P3H3: variants seen among roughly 807,000 people sequenced by gnomAD.
P3H3 encodes the protein prolyl 3-hydroxylase 3.
Under a neutral mutation model 78.1 loss-of-function variants are expected in P3H3, and 64 were observed. The ratio of observed to expected loss-of-function variants is 0.82; its 90% CI spans 0.67 to 1.01. The LOEUF is 1.01. Among genes scored for constraint, P3H3 ranks in the 50% least tolerant of loss-of-function variants. The pLI is 0.00. For synonymous variants in P3H3, 425 were observed against 416.7 expected (o/e 1.02, Z -0.24); for missense variants, 975 against 982.2 (o/e 0.99, Z 0.10).
Position 6,831,007 on chromosome 12 carries a change from T to A in P3H3, c.986-209T>A. ...CACCTTCCTTTATTTTCCCCCCTCT[T>A]GCTCTTCTTTGAACTCTCCAGCTAA... On this transcript the variant is annotated intron_variant, in intron 4 of 14. Coordinates refer to ENST00000290510, the MANE Select transcript of P3H3 (RefSeq NM_014262.5). The surrounding 1 kb of genome is among the most constrained non-coding windows in gnomAD (Gnocchi z 4.6). The A allele has an allele frequency of 1.2e-6, 1 of 829,816 alleles. No homozygotes were observed. The highest frequency in any genetic ancestry group is 2.0e-6 in the Non-Finnish European group (1 of 495,108). The allele number at this position is 829,816 out of a possible 1,614,324, so 51.4% of individuals were successfully genotyped here.
chr12:6,828,470 A>ACTG lies in P3H3; in HGVS notation c.41_43dup (p.Leu14dup), dbSNP rs782716613. The ACTG allele has an allele frequency of 2.4e-6, 3 of 1,231,196 alleles. No individual in the cohort carries two copies. Among genetic ancestry groups the ACTG allele is most frequent in the East Asian group, 3.1e-5 (1 of 32,098 alleles). 76.3% of individuals were successfully genotyped at this position (1,231,196 alleles called of 1,614,324 possible). A position where few individuals can be genotyped will look rare whatever the true frequency, so the allele number is the denominator to read the frequency against. On this transcript the variant is annotated inframe_insertion, in exon 1 of 15. Transcript: ENST00000290510. ...TCCGGCTCCTCCGGCCGCTGCTGCT[A>ACTG]CTGCTGCTGCTGCCTCCCCCGGGGT...
rs1565510931 is a variant in P3H3, at chr12:6,829,418, A to C, written c.499-441A>C. 4.1e-6 allele frequency: 1 copy of C among 241,168 alleles called. No homozygotes were observed. The highest frequency in any genetic ancestry group is 5.6e-5 in the Admixed American group (1 of 17,956). 14.9% of individuals were successfully genotyped at this position (241,168 alleles called of 1,614,324 possible). On this transcript the variant is annotated intron_variant, in intron 1 of 14. Coordinates refer to ENST00000290510, the MANE Select transcript of P3H3 (RefSeq NM_014262.5). This position sits in a 1 kb window ranked among gnomAD's most constrained non-coding sequence, Gnocchi z 5.1. Reference sequence around the variant, plus strand: ...CCTCTGCGGGCGGGGAGGGGACAGCACGCCGCAGCCGCCGGTACCGCAGCA... The same window carrying C: ...CCTCTGCGGGCGGGGAGGGGACAGCCCGCCGCAGCCGCCGGTACCGCAGCA...
In P3H3 at chr12:6,838,417, A is replaced by C. The variant is rs190595883; in HGVS notation, c.1905+384A>C. On this transcript the variant is annotated intron_variant, in intron 13 of 14. Coordinates refer to ENST00000290510, the MANE Select transcript of P3H3 (RefSeq NM_014262.5). ...GGGGCTCGGATTCTGAACCTTTCTGAGGTTTAGTTTCCTAGACTGGGGTGA... is the reference window on the plus strand; with the variant it reads ...GGGGCTCGGATTCTGAACCTTTCTGCGGTTTAGTTTCCTAGACTGGGGTGA... Among the ~76,000 whole-genome samples, 17 of 152,194 alleles carry C rather than the reference A, an allele frequency of 1.1e-4. 1 individual carries two copies. In the East Asian group the frequency reaches 2.7e-3, roughly 24 times the overall value.
In P3H3 at chr12:6,831,760, C is replaced by A; in HGVS notation, c.1123-65C>A. On this transcript the variant is annotated intron_variant, in intron 5 of 14. Transcript: ENST00000290510. This position sits in a 1 kb window ranked among gnomAD's most constrained non-coding sequence, Gnocchi z 4.6. ...AGGAGCATGGAGCACCCAGGCAGTGCCCTAGAGCCGGCGCTTCCCTGCCTT... is the reference window on the plus strand; with the variant it reads ...AGGAGCATGGAGCACCCAGGCAGTGACCTAGAGCCGGCGCTTCCCTGCCTT... 2.0e-6 allele frequency: 2 copies of A among 1,003,930 alleles called. No individual in the cohort carries two copies. Among genetic ancestry groups the A allele is most frequent in the Non-Finnish European group, 3.1e-6 (2 of 645,892 alleles). 62.2% of individuals were successfully genotyped at this position (1,003,930 alleles called of 1,614,324 possible).
Position 6,839,082 on chromosome 12 carries a change from G to C in P3H3, c.1988G>C (p.Arg663Pro). The C allele has an allele frequency of 1.9e-6, 3 of 1,611,262 alleles. No individual in the cohort carries two copies. The highest frequency in any genetic ancestry group is 1.7e-6 in the Non-Finnish European group (2 of 1,179,468). ...CCCCATGGGGTGTGGGCCGTGACTC[G>C]GGGACGGCGCTGTGCCCTGGCACTG... ...ENPHGVWAVT[R>P]GRRCALALWH... The change falls in exon 14 of 15, where the codon CGG becomes CCG. Residue 663 changes from arginine (R) to proline (P), a missense_variant. Physicochemically the swap from Arg to Pro is moderately radical, Grantham distance 103 (BLOSUM62 -2). Transcript: ENST00000290510.
intron 4 of P3H3, 23 bp downstream of exon 4, chr12:6,830,793 C>G: frequency 6.2e-7 from 1 of 1,613,264 alleles, no homozygotes; most frequent in Non-Finnish European, 8.5e-7. Flanking sequence ...AGGGTGGAAA[C>G]GGGGAGTGAA....
At chr12:6,834,408 T>C (rs894534357) in intron 9 of P3H3, among the ~76,000 whole-genome samples, 35 of 152,126 alleles carry the variant, frequency 2.3e-4, no homozygotes, top group African/African-American at 8.5e-4. Flanking sequence ...CTAGTTTAGG[T>C]TGAATGACTC....
rs1555121269 is a variant in P3H3, at chr12:6,830,733, C to T, written c.948C>T (p.Pro316=). 1 of 1,613,854 alleles carries T rather than the reference C, an allele frequency of 6.2e-7. No individual in the cohort carries two copies. The highest frequency in any genetic ancestry group is 1.3e-5 in the African/African-American group (1 of 74,924). Residue 316 remains proline (P), a synonymous_variant, in exon 4 of 15, where the codon CCC becomes CCT. Coordinates refer to ENST00000290510, the MANE Select transcript of P3H3 (RefSeq NM_014262.5). ...GRSFPVPDFL[P]NQLRRLHEAH... ...GCTTCCCTGTCCCAGACTTCCTTCC[C>T]AACCAGCTGAGGCGGCTACATGAGG...
intron 10 of P3H3, 57 bp downstream of exon 10, chr12:6,837,143 G>T (rs1943506763): frequency 1.4e-6 from 2 of 1,462,798 alleles, no homozygotes; most frequent in South Asian, 1.2e-5. Flanking sequence ...GAGAGGCTGT[G>T]CAGGAAGCCG....
chr12:6,837,085 A>C lies in P3H3; in HGVS notation c.1559A>C (p.Gln520Pro), dbSNP rs782326466. Residue 520 changes from glutamine to proline, a missense_variant and splice_region_variant, in exon 10 of 15, where the codon CAG becomes CCG. By Grantham distance (76) the Gln-to-Pro change is moderately conservative. Coordinates refer to ENST00000290510, the MANE Select transcript of P3H3 (RefSeq NM_014262.5). ...GGGCTCACGGTGCTTAAGGCTGCGC[A>C]GGTGAGCACAGGAGGCACCCGGGCC... ...FEGLTVLKAA[Q>P]LARAGTVGSQ... The C allele has an allele frequency of 2.1e-5, 33 of 1,600,506 alleles. No individual in the cohort carries two copies. The highest frequency in any genetic ancestry group is 3.3e-4 in the Middle Eastern group (2 of 6,052).
Position 6,830,355 on chromosome 12 carries a change from A to C in P3H3, c.654A>C (p.Ala218=). 6.3e-7 allele frequency: 1 copy of C among 1,577,156 alleles called. No individual in the cohort carries two copies. The highest frequency in any genetic ancestry group is 8.6e-7 in the Non-Finnish European group (1 of 1,162,716). Residue 218 remains alanine, a splice_region_variant and synonymous_variant, in exon 3 of 15, where the codon GCA becomes GCC. Transcript: ENST00000290510. ...CTGACTGCTCCCTTCCCCAACAGGC[A>C]GCCTATGACACTGGCCTGGAGCTAC... ...FRDLETPPHW[A]AYDTGLELLG... is the part of the protein sequence containing the mutation.
chr12:6,835,364 C>G (rs1161239998), intron 9 of P3H3, among the ~76,000 whole-genome samples: 1 of 152,108 alleles, frequency 6.6e-6, no homozygotes, highest in African/African-American at 2.4e-5. Context: ...AGGTGGATCA[C>G]TTGAGGTCAG....
rs1270489669 is a variant in P3H3, at chr12:6,828,470, A to G, written c.30A>G (p.Leu10=). MLRLLRPLL[L]LLLLPPPGSP... Reference sequence around the variant, plus strand: ...TCCGGCTCCTCCGGCCGCTGCTGCTACTGCTGCTGCTGCCTCCCCCGGGGT... The same window carrying G: ...TCCGGCTCCTCCGGCCGCTGCTGCTGCTGCTGCTGCTGCCTCCCCCGGGGT... The change falls in exon 1 of 15, where the codon CTA becomes CTG. Residue 10 remains leucine (L), a synonymous_variant. Coordinates refer to ENST00000290510, the MANE Select transcript of P3H3 (RefSeq NM_014262.5). 1.1e-5 allele frequency: 14 copies of G among 1,231,208 alleles called. No homozygotes were observed. The highest frequency in any genetic ancestry group is 1.6e-5 in the African/African-American group (1 of 62,470). The allele number at this position is 1,231,208 out of a possible 1,614,324, so 76.3% of individuals were successfully genotyped here. A position where few individuals can be genotyped will look rare whatever the true frequency, so the allele number is the denominator to read the frequency against.
chr12:6,836,916 G>A (rs1555122194), intron 9 of P3H3, 69 bp from the exon 10 acceptor site: 16 of 1,147,972 alleles, frequency 1.4e-5, no homozygotes. Flanking sequence ...GCCGGAGGGA[G>A]GGTCTTGCAG....
chr12:6,830,388 C>G lies in P3H3; in HGVS notation c.687C>G (p.Arg229=). 2.5e-6 allele frequency: 4 copies of G among 1,588,268 alleles called. No homozygotes were observed. The highest frequency in any genetic ancestry group is 3.4e-6 in the Non-Finnish European group (4 of 1,168,622). The change falls in exon 3 of 15, where the codon CGC becomes CGG. Residue 229 remains arginine, a synonymous_variant. Coordinates refer to ENST00000290510, the MANE Select transcript of P3H3 (RefSeq NM_014262.5). ...AYDTGLELLG[R]QEAGLALPRL... ...ACACTGGCCTGGAGCTACTGGGGCG[C>G]CAGGAGGCAGGACTGGCACTGCCCA...
chr12:6,837,583 G>T lies in P3H3; in HGVS notation c.1711+10G>T. Reference sequence around the variant, plus strand: ...CGCAGCGCCATAGAAGGTACGACAGGGACCCCCCACTGCTCTTCTCCAACC... The same window carrying T: ...CGCAGCGCCATAGAAGGTACGACAGTGACCCCCCACTGCTCTTCTCCAACC... On this transcript the variant is annotated intron_variant, in intron 11 of 14. Coordinates refer to ENST00000290510, the MANE Select transcript of P3H3 (RefSeq NM_014262.5). 4 of 1,610,794 alleles carry T rather than the reference G, an allele frequency of 2.5e-6. No individual in the cohort carries two copies. Among genetic ancestry groups the T allele is most frequent in the Non-Finnish European group, 3.4e-6 (4 of 1,178,702 alleles).
At chr12:6,838,333 C>G (rs536110977) in intron 13 of P3H3, among the ~76,000 whole-genome samples, 2 of 152,172 alleles carry the variant, frequency 1.3e-5, no homozygotes, top group African/African-American at 4.8e-5. Context: ...AATAGTCCTT[C>G]CTCTTTGCAG....
At position 6,828,944 on chromosome 12, in the gene P3H3, G is replaced by T. The variant is rs901229652; in HGVS notation, c.498+6G>T. ...TGCAGAGGGCCTATTACCAGGTGGG[G>T]AGCGGGCCGGGCAGCTCCGAGGGTC... On this transcript the variant is annotated splice_donor_region_variant and intron_variant, in intron 1 of 14. Transcript: ENST00000290510. 1.6e-5 allele frequency: 20 copies of T among 1,232,712 alleles called. No individual in the cohort carries two copies. Among genetic ancestry groups the T allele is most frequent in the Middle Eastern group, 2.8e-4 (1 of 3,614 alleles). 76.4% of individuals were successfully genotyped at this position (1,232,712 alleles called of 1,614,324 possible). A position where few individuals can be genotyped will look rare whatever the true frequency, so the allele number is the denominator to read the frequency against.
Position 6,833,620 on chromosome 12 carries a change from C to T in P3H3, c.1241C>T (p.Pro414Leu). 1.9e-6 allele frequency: 3 copies of T among 1,613,950 alleles called. No individual in the cohort carries two copies. Among genetic ancestry groups the T allele is most frequent in the Non-Finnish European group, 2.5e-6 (3 of 1,179,870 alleles). Residue 414 changes from proline to leucine, a missense_variant, in exon 7 of 15, where the codon CCT becomes CTT. Physicochemically the swap from Pro to Leu is moderately conservative, Grantham distance 98. Coordinates refer to ENST00000290510, the MANE Select transcript of P3H3 (RefSeq NM_014262.5). The part of the protein sequence containing the change: ...PDPWTPAALI[P>L]EALREKLRED... The stretch of plus-strand genomic sequence containing the variant: ...CCCTGGACCCCTGCAGCTCTCATCC[C>T]TGAGGCACTTAGAGAAAAGCTCAGG...
Sources: gnomAD v4.1 joint callset for allele counts (sites outside exome capture counted in the v4.1 genomes callset) on GRCh38, gnomAD v4.1.1 for gene constraint, Gnocchi (gnomAD v3.1) non-coding constraint, MANE v1.5 for transcripts, NCBI Gene and HGNC (gene_info 2026-07-23, HGNC 2026-07-21) for gene names.